Variants in PTPRD observed in about 807,000 individuals in gnomAD.
PTPRD encodes the protein protein tyrosine phosphatase receptor type D.
In PTPRD, 34 loss-of-function variants were observed where a neutral mutation model predicts 214.5. The observed-to-expected ratio is 0.16, with a 90% CI of 0.12 to 0.21. The LOEUF is 0.21. PTPRD is among the 10% of genes least tolerant of loss of function. PTPRD has a pLI of 1.00. For missense variants in PTPRD, 2,545 were observed against 2,398.7 expected (o/e 1.06, Z -1.27); for synonymous variants, 1,128 against 845.7 (o/e 1.33, Z -5.79).
chr9:8,682,011 T>C (rs951198797), intron 12 of PTPRD, among the ~76,000 whole-genome samples: 1 of 152,212 alleles, frequency 6.6e-6, no homozygotes, highest in African/African-American at 2.4e-5. Context: ...GCAAGGATTT[T>C]TTTTAAACCC....
In PTPRD at chr9:10,232,326, T is replaced by C. The variant is rs535577162; in HGVS notation, c.-545+108637A>G. 4.6e-5 allele frequency among the ~76,000 whole-genome samples: 7 copies of C among 152,054 alleles called. No homozygotes were observed. In the East Asian group the frequency reaches 1.4e-3, roughly 30 times the overall value. On this transcript the variant is annotated intron_variant, in intron 3 of 45. Coordinates refer to ENST00000381196, the MANE Select transcript of PTPRD (RefSeq NM_002839.4). ...TGAAATGATCCACTAATCCAGAAAT[T>C]ATACTCTCCTCTAAAACATTAGTAA...
At chr9:8,693,790 C>T (rs1170899046) in intron 12 of PTPRD, among the ~76,000 whole-genome samples, 1 of 152,186 alleles carries the variant, frequency 6.6e-6, no homozygotes, top group East Asian at 1.9e-4. Context: ...GAGAAAACAA[C>T]ACCTACACAC....
At chr9:9,595,159 G>A (rs1442225607) in intron 7 of PTPRD, among the ~76,000 whole-genome samples, 3 of 151,368 alleles carry the variant, frequency 2.0e-5, no homozygotes, top group Non-Finnish European at 4.4e-5. Flanking sequence ...CAGTGCAACC[G>A]CTATGGAAAA....
At chr9:9,983,846 T>G (rs2095621694) in intron 4 of PTPRD, among the ~76,000 whole-genome samples, 1 of 152,202 alleles carries the variant, frequency 6.6e-6, no homozygotes, top group Non-Finnish European at 1.5e-5. Context: ...CTCTAATCTT[T>G]GGAGGGTAAT....
intron 8 of PTPRD, among the ~76,000 whole-genome samples, chr9:9,573,725 GTCC>G (rs2087371408): frequency 6.6e-6 from 1 of 151,774 alleles, no homozygotes; most frequent in South Asian, 2.1e-4. Flanking sequence ...TATCAGCAAA[GTCC>G]TCCTGGTAGA....
chr9:8,759,721 ACTATAT>A (rs1783171715), intron 11 of PTPRD, among the ~76,000 whole-genome samples: 1 of 151,052 alleles, frequency 6.6e-6, no homozygotes, highest in Non-Finnish European at 1.5e-5. Context: ...TTTCATCAAG[ACTATAT>A]CTTCTTCCTT....
At chr9:9,849,304 G>C (rs34118738) in intron 5 of PTPRD, among the ~76,000 whole-genome samples, 2 of 151,686 alleles carry the variant, frequency 1.3e-5, no homozygotes, top group Non-Finnish European at 2.9e-5. Context: ...ATTTATTCTA[G>C]AAGACAGGTA....
rs148434908 is a variant in PTPRD, at chr9:10,361,627, T to C, written c.-599-20610A>G. On this transcript the variant is annotated intron_variant, in intron 2 of 45. Coordinates refer to ENST00000381196, the MANE Select transcript of PTPRD (RefSeq NM_002839.4). ...GAATCTGAATTAATTGATACCCATT[T>C]CTACTTGGAAAAGAAACAAAATTCT... 1.7e-4 allele frequency among the ~76,000 whole-genome samples: 26 copies of C among 152,292 alleles called. 1 individual carries two copies. The highest frequency in any genetic ancestry group is 6.0e-4 in the African/African-American group (25 of 41,584).
chr9:8,603,642 A>T (rs2095014057), intron 14 of PTPRD, among the ~76,000 whole-genome samples: 2 of 152,196 alleles, frequency 1.3e-5, no homozygotes, highest in Admixed American at 6.5e-5. Context: ...TAGACGATTA[A>T]TCAACTTAGA....
At chr9:8,689,427 G>A (rs1285254168) in intron 12 of PTPRD, among the ~76,000 whole-genome samples, 1 of 152,182 alleles carries the variant, frequency 6.6e-6, no homozygotes, top group African/African-American at 2.4e-5. Flanking sequence ...AGAAAAAGAG[G>A]TTTAACTGGA....
chr9:8,967,899 C>A (rs1380598000), intron 11 of PTPRD, among the ~76,000 whole-genome samples: 2 of 152,070 alleles, frequency 1.3e-5, no homozygotes, highest in Admixed American at 1.3e-4. Flanking sequence ...GCTATCCCTC[C>A]TCCCTCCCTC....
At chr9:10,465,990 T>C (rs897267569) in intron 2 of PTPRD, among the ~76,000 whole-genome samples, 1 of 152,200 alleles carries the variant, frequency 6.6e-6, no homozygotes, top group Admixed American at 6.5e-5. Context: ...TTTAGAACTA[T>C]GATTACCGAT....
intron 41 of PTPRD, 149 bp downstream of exon 41, chr9:8,340,941 A>G: frequency 2.5e-6 from 2 of 784,772 alleles, no homozygotes; most frequent in Admixed American, 3.4e-5. Context: ...CCTATCCAAA[A>G]TAACAAAAAA....
chr9:8,833,707 T>TACACACACAC (rs1247821456), intron 11 of PTPRD, among the ~76,000 whole-genome samples: 1 of 134,670 alleles, frequency 7.4e-6, no homozygotes, highest in African/African-American at 3.0e-5. Flanking sequence ...TCTCTATATA[T>TACACACACAC]ATATATATAC....
chr9:9,161,712 T>C (rs967222493), intron 10 of PTPRD, among the ~76,000 whole-genome samples: 8 of 152,114 alleles, frequency 5.3e-5, no homozygotes, highest in Non-Finnish European at 1.2e-4. Context: ...CATTGACATC[T>C]GTGGCAAAAT....
At chr9:9,597,810 G>A (rs1045752707) in intron 7 of PTPRD, among the ~76,000 whole-genome samples, 3 of 152,040 alleles carry the variant, frequency 2.0e-5, no homozygotes, top group Non-Finnish European at 4.4e-5. Context: ...ATTCATTTGA[G>A]AAATTTGGCA....
intron 2 of PTPRD, among the ~76,000 whole-genome samples, chr9:10,511,991 TG>T (rs2048350979): frequency 1.7e-5 from 1 of 58,492 alleles, no homozygotes; most frequent in Non-Finnish European, 3.6e-5. Context: ...TATATATACG[TG>T]TGTGTATATA....
intron 5 of PTPRD, among the ~76,000 whole-genome samples, chr9:9,905,021 T>G (rs555154300): frequency 1.3e-4 from 20 of 152,160 alleles, no homozygotes; most frequent in Admixed American, 1.2e-3. Context: ...CAGTGAGGCA[T>G]ATATTATCAG....
At chr9:9,787,629 G>GTCC (rs1166668825) in intron 5 of PTPRD, among the ~76,000 whole-genome samples, 1 of 151,696 alleles carries the variant, frequency 6.6e-6, no homozygotes, top group African/African-American at 2.4e-5. Flanking sequence ...AAGGGATTTG[G>GTCC]GACACCCAAT....
Sources: allele counts gnomAD v4.1 joint callset (sites outside exome capture counted in the v4.1 genomes callset), GRCh38; gene constraint gnomAD v4.1.1; transcripts MANE v1.5; gene names NCBI Gene and HGNC (gene_info 2026-07-23, HGNC 2026-07-21).